EPRS1: variants seen among roughly 807,000 people sequenced by gnomAD.
The protein encoded by EPRS1 is bifunctional glutamate/proline--tRNA ligase.
EPRS1 carries 107 observed loss-of-function variants against 188.3 expected under a neutral mutation model. The observed-to-expected ratio is 0.57, with a 90% CI of 0.49 to 0.67. The LOEUF is 0.67. Ranked by LOEUF, EPRS1 falls within the 30% of genes least tolerant of loss-of-function variation. EPRS1 has a pLI of 0.00. For synonymous variants in EPRS1, 596 were observed against 593.1 expected (o/e 1.00, Z -0.07); for missense variants, 1,577 against 1,802.2 (o/e 0.88, Z 2.26).
At position 220,034,907 on chromosome 1, in the gene EPRS1, T is replaced by G. The variant is rs776273377; in HGVS notation, c.231+7A>C. The G allele has an allele frequency of 1.1e-5, 17 of 1,499,186 alleles. No individual in the cohort carries two copies. In the Admixed American group the frequency reaches 2.3e-4, roughly 21 times the overall value. 92.9% of individuals were successfully genotyped at this position (1,499,186 alleles called of 1,614,324 possible). Reference sequence around the variant, plus strand: ...AAAACACACACAACAAAATGTTCATTGCTTACCTCAGTATGTTCCATCAGA... The same window carrying G: ...AAAACACACACAACAAAATGTTCATGGCTTACCTCAGTATGTTCCATCAGA... On this transcript the variant is annotated splice_region_variant and intron_variant, in intron 3 of 31. Coordinates refer to ENST00000366923, the MANE Select transcript of EPRS1 (RefSeq NM_004446.3).
chr1:219,977,950 C>T (rs897109761), intron 28 of EPRS1, among the ~76,000 whole-genome samples: 12 of 152,156 alleles, frequency 7.9e-5, no homozygotes, highest in Admixed American at 7.2e-4. Flanking sequence ...TTCCCTCTTT[C>T]AGCATAAGAA....
At position 220,020,346 on chromosome 1, in the gene EPRS1, A is replaced by G. The variant is rs879154282; in HGVS notation, c.1116-125T>C. ...AAGTTAAGAGATTCTTAAAAACCAA[A>G]AGGTTTTATGACTTAATACTCAAAG... On this transcript the variant is annotated intron_variant, in intron 9 of 31. Transcript: ENST00000366923. 46 of 644,252 alleles carry G rather than the reference A, an allele frequency of 7.1e-5. No homozygotes were observed. The South Asian group carries it at 9.7e-4, about 14-fold the overall frequency. The allele number at this position is 644,252 out of a possible 1,614,324, so 39.9% of individuals were successfully genotyped here.
chr1:219,998,584 C>A (rs1274310101), intron 17 of EPRS1, among the ~76,000 whole-genome samples: 4 of 148,782 alleles, frequency 2.7e-5, no homozygotes, highest in Non-Finnish European at 5.9e-5. Context: ...TGCTCTGCCG[C>A]CAGGCTGGAG....
In EPRS1 at chr1:219,988,708, C is replaced by A. The variant is rs1186741408; in HGVS notation, c.2657G>T (p.Ser886Ile). ...QPPLSQSSDS[S>I]PTRNSEPAGL... is the part of the protein sequence containing the mutation. The stretch of plus-strand genomic sequence containing the variant: ...AGCAGGTTCAGAATTTCTGGTTGGG[C>A]TTGAATCCGAACTTTGAGATAATGG... Residue 886 changes from serine to isoleucine, a missense_variant, in exon 19 of 32, where the codon AGC (serine) becomes ATC (isoleucine). By Grantham distance (142) the Ser-to-Ile change is moderately radical (BLOSUM62 -2). This residue lies in a region of EPRS1 where 1,278 missense variants were observed against 1,457.4 expected (regional missense o/e 0.88). Coordinates refer to ENST00000366923, the MANE Select transcript of EPRS1 (RefSeq NM_004446.3). 1.9e-6 allele frequency: 3 copies of A among 1,613,872 alleles called. No homozygotes were observed. The highest frequency in any genetic ancestry group is 2.5e-6 in the Non-Finnish European group (3 of 1,179,816).
chr1:220,030,773 A>C (rs993314824), intron 5 of EPRS1, among the ~76,000 whole-genome samples: 1 of 152,206 alleles, frequency 6.6e-6, no homozygotes, highest in Non-Finnish European at 1.5e-5. Flanking sequence ...CTGGACCTCG[A>C]AGATAAGTAG....
intron 1 of EPRS1, among the ~76,000 whole-genome samples, chr1:220,045,951 A>G (rs1282860466): frequency 6.6e-6 from 1 of 152,232 alleles, no homozygotes; most frequent in Admixed American, 6.5e-5. Context: ...AAAAATGCTA[A>G]AAGAGAAGCG....
intron 17 of EPRS1, among the ~76,000 whole-genome samples, chr1:219,998,504 C>G (rs916578266): frequency 6.6e-6 from 1 of 151,530 alleles, no homozygotes; most frequent in Non-Finnish European, 1.5e-5. Flanking sequence ...TAATACAATT[C>G]ATGTAGCCAC....
intron 12 of EPRS1, 60 bp downstream of exon 12, chr1:220,018,389 A>T: frequency 7.8e-7 from 1 of 1,288,326 alleles, no homozygotes; most frequent in Non-Finnish European, 1.1e-6. Flanking sequence ...AATGACTTCT[A>T]CTTGTACATT....
At chr1:220,032,219 C>T (rs1384013706) in intron 5 of EPRS1, among the ~76,000 whole-genome samples, 168 bp downstream of exon 5, 4 of 148,750 alleles carry the variant, frequency 2.7e-5, no homozygotes, top group Non-Finnish European at 4.4e-5. Context: ...GGACTACAGG[C>T]GCCCACCATC....
chr1:219,995,580 A>T (rs1242179218), intron 18 of EPRS1, among the ~76,000 whole-genome samples: 2 of 152,198 alleles, frequency 1.3e-5, no homozygotes, highest in Non-Finnish European at 2.9e-5. Context: ...AAGCTGTTTT[A>T]GATAATCATG....
intron 15 of EPRS1, among the ~76,000 whole-genome samples, chr1:220,005,839 TTG>T (rs372341207): frequency 0.069 from 582 of 8,382 alleles, 32 homozygotes; most frequent in East Asian, 0.21. Flanking sequence ...GTTTTTTTTT[TTG>T]TTTTTTTTTG....
intron 2 of EPRS1, among the ~76,000 whole-genome samples, chr1:220,037,612 A>G (rs775851648): frequency 6.6e-6 from 1 of 152,036 alleles, no homozygotes; most frequent in Non-Finnish European, 1.5e-5. Context: ...TAGAGAGAAA[A>G]ACATTTTTCA....
intron 18 of EPRS1, among the ~76,000 whole-genome samples, chr1:219,993,306 TTC>T (rs772041107): frequency 1.1e-3 from 170 of 152,330 alleles, no homozygotes; most frequent in Non-Finnish European, 2.2e-3. Flanking sequence ...CTTTGGTGTA[TTC>T]TCTGTTATGC....
intron 12 of EPRS1, among the ~76,000 whole-genome samples, chr1:220,012,826 G>A (rs1450655099): frequency 1.3e-5 from 2 of 152,270 alleles, no homozygotes; most frequent in South Asian, 2.1e-4. Context: ...ACTAAGTGAA[G>A]GGGGAAGGAC....
At chr1:220,016,408 ATTTTC>A (rs1449665524) in intron 12 of EPRS1, among the ~76,000 whole-genome samples, 1 of 148,950 alleles carries the variant, frequency 6.7e-6, no homozygotes. Flanking sequence ...AAAAAAATTA[ATTTTC>A]TTTTTTTTTT....
rs1224125953 is a variant in EPRS1 at position 220,019,000 on chromosome 1, C to G, written c.1429G>C (p.Ala477Pro). The change falls in exon 11 of 32, where the codon GCT becomes CCT. Residue 477 changes from alanine to proline, a missense_variant. Ala to Pro is a conservative substitution (Grantham distance 27). This residue lies in a region of EPRS1 where 1,278 missense variants were observed against 1,457.4 expected (regional missense o/e 0.88). Transcript: ENST00000366923. Reference sequence around the variant, plus strand: ...GAAAAGAAACTGTAACGCACCTGAGCAGCAATAAACTGTTTCAGTCCTTCA... The same window carrying G: ...GAAAAGAAACTGTAACGCACCTGAGGAGCAATAAACTGTTTCAGTCCTTCA... ...TVEGLKQFIA[A>P]QGSSRSVVNM... 1 of 1,608,426 alleles carries G rather than the reference C, an allele frequency of 6.2e-7. No individual in the cohort carries two copies. The highest frequency in any genetic ancestry group is 1.7e-5 in the Admixed American group (1 of 59,878).
chr1:220,002,007 TGACA>T (rs960123111), intron 16 of EPRS1, among the ~76,000 whole-genome samples: 3 of 149,340 alleles, frequency 2.0e-5, no homozygotes, highest in African/African-American at 7.4e-5. Flanking sequence ...CCAGCCTGCG[TGACA>T]GAGTGAGATT....
At chr1:220,026,373 C>T (rs956372714) in intron 6 of EPRS1, among the ~76,000 whole-genome samples, 3 of 152,074 alleles carry the variant, frequency 2.0e-5, no homozygotes, top group Non-Finnish European at 2.9e-5. Flanking sequence ...CTATCAAGTA[C>T]ATGAGTAAAA....
chr1:220,014,668 T>A (rs1320106925), intron 12 of EPRS1, among the ~76,000 whole-genome samples: 1 of 152,192 alleles, frequency 6.6e-6, no homozygotes, highest in Non-Finnish European at 1.5e-5. Context: ...AACTGCCTAA[T>A]CCTTGAGAAA....
Sources: allele counts gnomAD v4.1 joint callset (sites outside exome capture counted in the v4.1 genomes callset), GRCh38; gene constraint gnomAD v4.1.1; regional missense constraint gnomAD v4.1.1; transcripts MANE v1.5; gene names NCBI Gene and HGNC (gene_info 2026-07-23, HGNC 2026-07-21).